DMXL1: variants seen among roughly 807,000 people sequenced by gnomAD.
DMXL1 encodes the protein dmX-like protein 1.
A neutral mutation model predicts 319.2 loss-of-function variants in DMXL1; 99 were observed. The observed-to-expected ratio is 0.31, with a 90% CI of 0.26 to 0.37. The LOEUF is 0.37. DMXL1 is among the 10% of genes least tolerant of loss of function. The pLI is 1.00. For missense variants in DMXL1, 3,745 were observed against 3,595.6 expected (o/e 1.04, Z -1.06); for synonymous variants, 1,385 against 1,235.2 (o/e 1.12, Z -2.54).
At chr5:119,193,053 C>T (rs897886775) in intron 29 of DMXL1, among the ~76,000 whole-genome samples, 2 of 152,100 alleles carry the variant, frequency 1.3e-5, no homozygotes, top group East Asian at 3.9e-4. Flanking sequence ...TCCAACCTGC[C>T]AACTCCTGTT....
intron 5 of DMXL1, among the ~76,000 whole-genome samples, chr5:119,111,755 C>T (rs1235841233): frequency 6.6e-6 from 1 of 152,052 alleles, no homozygotes; most frequent in Non-Finnish European, 1.5e-5. Flanking sequence ...TAGAAAAGAA[C>T]AGGTATAACA....
At position 119,149,461 on chromosome 5, in the gene DMXL1, T is replaced by A. The variant is rs1411280657; in HGVS notation, c.3634T>A (p.Ser1212Thr). The A allele has an allele frequency of 6.8e-6, 11 of 1,613,810 alleles. No individual in the cohort carries two copies. The highest frequency in any genetic ancestry group is 9.3e-6 in the Non-Finnish European group (11 of 1,179,894). ...GGACCTAGTTTCTTCTGTAGATGGCTCCCCACCTTTTCCTGTTTCTTTATC... is the reference window on the plus strand; with the variant it reads ...GGACCTAGTTTCTTCTGTAGATGGCACCCCACCTTTTCCTGTTTCTTTATC... Reference protein sequence around the residue: ...SVDLVSSVDGSPPFPVSLSWV... With the variant: ...SVDLVSSVDGTPPFPVSLSWV... The change falls in exon 18 of 44, where the codon TCC becomes ACC. Residue 1212 changes from serine to threonine, a missense_variant. Ser to Thr is a moderately conservative substitution (Grantham distance 58). Around this residue, in one of 4 missense-constraint regions of DMXL1, gnomAD observed 2,096 missense variants for 1,985.4 expected, o/e 1.06. Transcript: ENST00000539542.
intron 33 of DMXL1, among the ~76,000 whole-genome samples, chr5:119,205,447 A>G (rs1037705280): frequency 6.6e-6 from 1 of 152,102 alleles, no homozygotes; most frequent in African/African-American, 2.4e-5. Flanking sequence ...TTTTTATTGT[A>G]ATTATTTTAA....
At chr5:119,167,573 C>A in intron 22 of DMXL1, 30 bp from the exon 23 acceptor site, 1 of 1,521,066 alleles carries the variant, frequency 6.6e-7, no homozygotes, top group Non-Finnish European at 8.8e-7. Context: ...CCTGCTCCTG[C>A]TTATTTAAAA....
At chr5:119,196,623 C>G (rs920187552) in intron 31 of DMXL1, among the ~76,000 whole-genome samples, 167 bp downstream of exon 31, 4 of 149,592 alleles carry the variant, frequency 2.7e-5, no homozygotes, top group Non-Finnish European at 5.9e-5. Flanking sequence ...ATGTATCCGT[C>G]ATACTGTTAG....
intron 21 of DMXL1, 91 bp from the exon 22 acceptor site, chr5:119,166,525 A>T: frequency 8.7e-7 from 1 of 1,144,640 alleles, no homozygotes; most frequent in Non-Finnish European, 1.3e-6. Context: ...GTTTCTATTT[A>T]GACTTAGCCA....
intron 19 of DMXL1, among the ~76,000 whole-genome samples, chr5:119,159,726 C>T (rs925275332): frequency 7.9e-5 from 12 of 152,310 alleles, no homozygotes; most frequent in African/African-American, 2.9e-4. Flanking sequence ...TGGGTCCAAG[C>T]GATTCTCCTG....
At chr5:119,186,066 A>G (rs1777654458) in intron 28 of DMXL1, among the ~76,000 whole-genome samples, 1 of 152,216 alleles carries the variant, frequency 6.6e-6, no homozygotes, top group East Asian at 1.9e-4. Context: ...AAAGCAAGAA[A>G]TAAATTTGAA....
At chr5:119,159,760 A>T (rs905472961) in intron 19 of DMXL1, among the ~76,000 whole-genome samples, 9 of 152,070 alleles carry the variant, frequency 5.9e-5, no homozygotes, top group African/African-American at 1.9e-4. Flanking sequence ...AGTAGCTGGG[A>T]TTACAGGTTT....
At chr5:119,240,376 A>G (rs771988022) in intron 41 of DMXL1, 43 bp from the exon 42 acceptor site, 51 of 1,406,938 alleles carry the variant, frequency 3.6e-5, no homozygotes, top group Non-Finnish European at 4.6e-5. Flanking sequence ...TTTTATTGTT[A>G]GCTTTTGTGT....
chr5:119,082,054 C>CACACACACAT (rs1424318966), intron 1 of DMXL1, among the ~76,000 whole-genome samples: 1 of 144,614 alleles, frequency 6.9e-6, no homozygotes, highest in Non-Finnish European at 1.5e-5. Flanking sequence ...CACACACACA[C>CACACACACAT]ACATACACGT....
intron 13 of DMXL1, among the ~76,000 whole-genome samples, chr5:119,136,355 G>A (rs145655586): frequency 3.9e-5 from 6 of 152,332 alleles, no homozygotes; most frequent in East Asian, 1.9e-4. Context: ...GTTAACTTAC[G>A]TTTAAAAGGG....
intron 13 of DMXL1, among the ~76,000 whole-genome samples, chr5:119,140,837 A>G (rs1187883341): frequency 1.3e-5 from 2 of 152,214 alleles, no homozygotes; most frequent in East Asian, 1.9e-4. Context: ...TCCTCTATGA[A>G]TATCAATGCA....
At position 119,244,414 on chromosome 5, in the gene DMXL1, G is replaced by A; in HGVS notation, c.8760G>A (p.Gln2920=). ...TTTTAGCATATGCTCCAAAACATCA[G>A]CTACTAATATCAGGTGGCAGAAAAG... ...ATVLAYAPKH[Q]LLISGGRKGF... is the part of the protein sequence containing the mutation. Residue 2920 remains glutamine, a synonymous_variant, in exon 43 of 44, where the codon CAG becomes CAA. Coordinates refer to ENST00000539542, the MANE Select transcript of DMXL1 (RefSeq NM_001290321.3). 2 of 1,613,982 alleles carry A rather than the reference G, an allele frequency of 1.2e-6. No homozygotes were observed. Among genetic ancestry groups the A allele is most frequent in the Non-Finnish European group, 1.7e-6 (2 of 1,179,986 alleles).
chr5:119,210,484 G>C (rs555182787), intron 34 of DMXL1, among the ~76,000 whole-genome samples: 59 of 152,242 alleles, frequency 3.9e-4, no homozygotes, highest in African/African-American at 1.3e-3. Context: ...CTTTGTTACT[G>C]TTGTTGTTTT....
chr5:119,215,850 A>G, intron 34 of DMXL1, among the ~76,000 whole-genome samples: 1 of 152,182 alleles, frequency 6.6e-6, no homozygotes, highest in Middle Eastern at 3.4e-3. Flanking sequence ...TAATCCCAGC[A>G]TTTGGGAGGC....
At chr5:119,077,763 G>GTT (rs1326256493) in intron 1 of DMXL1, among the ~76,000 whole-genome samples, 1 of 140,814 alleles carries the variant, frequency 7.1e-6, no homozygotes, top group African/African-American at 2.6e-5. Flanking sequence ...AAGTGTGTGT[G>GTT]TGTGTGTGTG....
At position 119,149,490 on chromosome 5, in the gene DMXL1, G is replaced by T. The variant is rs1769300307; in HGVS notation, c.3663G>T (p.Trp1221Cys). The T allele has an allele frequency of 1.2e-6, 2 of 1,613,892 alleles. No individual in the cohort carries two copies. The highest frequency in any genetic ancestry group is 8.5e-7 in the Non-Finnish European group (1 of 1,179,896). The change falls in exon 18 of 44, where the codon TGG becomes TGT. Residue 1221 changes from tryptophan to cysteine, a missense_variant. Trp to Cys is a radical substitution (Grantham distance 215). Around this residue, in one of 4 missense-constraint regions of DMXL1, gnomAD observed 2,096 missense variants for 1,985.4 expected, o/e 1.06. Coordinates refer to ENST00000539542, the MANE Select transcript of DMXL1 (RefSeq NM_001290321.3). Reference protein sequence around the residue: ...GSPPFPVSLSWVRDGILVVGM... With the variant: ...GSPPFPVSLSCVRDGILVVGM... ...CACCTTTTCCTGTTTCTTTATCGTGGGTCCGGGATGGCATCCTTGTGGTAG... is the reference window on the plus strand; with the variant it reads ...CACCTTTTCCTGTTTCTTTATCGTGTGTCCGGGATGGCATCCTTGTGGTAG...
intron 25 of DMXL1, among the ~76,000 whole-genome samples, chr5:119,174,015 C>T (rs923644548): frequency 6.6e-6 from 1 of 151,562 alleles, no homozygotes; most frequent in Non-Finnish European, 1.5e-5. Flanking sequence ...TAGTTCAAGT[C>T]TGAAGACAGG....
Sources: allele counts gnomAD v4.1 joint callset (sites outside exome capture counted in the v4.1 genomes callset), GRCh38; gene constraint gnomAD v4.1.1; regional missense constraint gnomAD v4.1.1; transcripts MANE v1.5; gene names NCBI Gene and HGNC (gene_info 2026-07-23, HGNC 2026-07-21).